Variants in CCDC3 observed in about 807,000 individuals in gnomAD.
CCDC3 encodes coiled-coil domain containing 3, also known as coiled-coil domain-containing protein 3.
In CCDC3, 24 loss-of-function variants were observed where a neutral mutation model predicts 21.4. The observed-to-expected ratio is 1.12, with a 90% CI of 0.81 to 1.58. The LOEUF is 1.58. Ranked by LOEUF, CCDC3 falls within the 40% of genes most tolerant of loss-of-function variation. The probability of loss-of-function intolerance (pLI) is 0.00; values close to 1 mark genes in which losing one functional copy is unlikely to be tolerated. For synonymous variants in CCDC3, 186 were observed against 166.0 expected (o/e 1.12, Z -0.93); for missense variants, 425 against 360.9 (o/e 1.18, Z -1.44).
intron 4 of CCDC3, among the ~76,000 whole-genome samples, chr10:13,072,843 C>T (rs898112938): frequency 6.9e-6 from 1 of 144,926 alleles, no homozygotes; most frequent in South Asian, 2.3e-4. Flanking sequence ...CCTGCACAAT[C>T]ATTTCTTTTC....
intron 3 of CCDC3, among the ~76,000 whole-genome samples, chr10:13,097,172 C>T (rs1832637375): frequency 6.6e-6 from 1 of 152,148 alleles, no homozygotes; most frequent in Non-Finnish European, 1.5e-5. Context: ...ACCACAAAAC[C>T]ACATCAACAA....
At chr10:13,071,572 T>G (rs921188606) in intron 4 of CCDC3, among the ~76,000 whole-genome samples, 5 of 152,154 alleles carry the variant, frequency 3.3e-5, no homozygotes, top group African/African-American at 1.2e-4. Context: ...GAGCGGATAT[T>G]CCCATCCCTT....
chr10:12,951,417 G>A, intron 2 of CCDC3, among the ~76,000 whole-genome samples: 1 of 152,082 alleles, frequency 6.6e-6, no homozygotes. Flanking sequence ...TAATCTACAG[G>A]GCATGATCCA....
intron 3 of CCDC3, among the ~76,000 whole-genome samples, chr10:13,093,187 C>T (rs1832596160): frequency 6.6e-6 from 1 of 152,110 alleles, no homozygotes; most frequent in East Asian, 1.9e-4. Context: ...GTTTAATGGA[C>T]TCACAGTTCC....
intron 2 of CCDC3, among the ~76,000 whole-genome samples, chr10:12,911,142 C>T (rs1322914541): frequency 1.3e-5 from 2 of 152,200 alleles, no homozygotes; most frequent in Non-Finnish European, 2.9e-5. Context: ...CCTGTGTCAT[C>T]TCTGCAGATG....
intron 5 of CCDC3, among the ~76,000 whole-genome samples, chr10:13,039,422 C>CAAAAA (rs5783301): frequency 7.3e-6 from 1 of 137,606 alleles, no homozygotes. Context: ...GACTCTGTCT[C>CAAAAA]AAAAAAAAAA....
At chr10:13,056,807 A>G (rs1836686502) in intron 4 of CCDC3, among the ~76,000 whole-genome samples, 1 of 152,206 alleles carries the variant, frequency 6.6e-6, no homozygotes, top group South Asian at 2.1e-4. Flanking sequence ...TGCAGCAGCC[A>G]CTTCCATTTA....
intron 3 of CCDC3, among the ~76,000 whole-genome samples, chr10:13,075,066 T>C (rs1836945440): frequency 6.6e-6 from 1 of 152,134 alleles, no homozygotes; most frequent in African/African-American, 2.4e-5. Context: ...GACGCATAGG[T>C]GCCCACTGCA....
intron 2 of CCDC3, among the ~76,000 whole-genome samples, chr10:12,956,321 C>G (rs969042802): frequency 3.9e-5 from 6 of 152,222 alleles, no homozygotes; most frequent in African/African-American, 1.2e-4. Flanking sequence ...GACCAATCTT[C>G]CTCTACCTAG....
At chr10:12,942,792 G>T (rs562057027) in intron 2 of CCDC3, among the ~76,000 whole-genome samples, 20 of 152,244 alleles carry the variant, frequency 1.3e-4, no homozygotes, top group Admixed American at 2.6e-4. Context: ...AGAATCAGAT[G>T]ACCCACTTGG....
intron 2 of CCDC3, among the ~76,000 whole-genome samples, chr10:12,928,578 A>T (rs1834584779): frequency 6.6e-6 from 1 of 152,208 alleles, no homozygotes; most frequent in Non-Finnish European, 1.5e-5. Flanking sequence ...TGATCATCTC[A>T]GTAACCTTCT....
At chr10:13,096,968 A>G (rs1429630926) in intron 3 of CCDC3, among the ~76,000 whole-genome samples, 2 of 152,208 alleles carry the variant, frequency 1.3e-5, no homozygotes, top group Admixed American at 1.3e-4. Context: ...GGCTTTCTCA[A>G]AAGACAAGAA....
intron 2 of CCDC3, among the ~76,000 whole-genome samples, chr10:12,994,906 C>A (rs574734921): frequency 1.3e-5 from 2 of 151,862 alleles, no homozygotes; most frequent in African/African-American, 2.4e-5. Flanking sequence ...CATGGTGAAA[C>A]CCCCTCTCTA....
intron 2 of CCDC3, among the ~76,000 whole-genome samples, chr10:12,987,080 C>A (rs1361485105): frequency 6.6e-6 from 1 of 152,160 alleles, no homozygotes; most frequent in African/African-American, 2.4e-5. Flanking sequence ...GCCCTCCATT[C>A]CCTGGTATGC....
chr10:13,046,307 G>C (rs1836527222), intron 5 of CCDC3, among the ~76,000 whole-genome samples: 1 of 151,912 alleles, frequency 6.6e-6, no homozygotes, highest in South Asian at 2.1e-4. Context: ...TAGGGAGGCT[G>C]AGTTGGGAGC....
chr10:12,943,754 A>ACTC (rs1177645830), intron 2 of CCDC3, among the ~76,000 whole-genome samples: 1 of 151,918 alleles, frequency 6.6e-6, no homozygotes, highest in Non-Finnish European at 1.5e-5. Flanking sequence ...TGTCTATAAA[A>ACTC]CTCTGTGCAT....
At chr10:13,020,071 C>A (rs1321242503) in intron 5 of CCDC3, among the ~76,000 whole-genome samples, 1 of 152,142 alleles carries the variant, frequency 6.6e-6, no homozygotes, top group African/African-American at 2.4e-5. Flanking sequence ...AAACTTGATA[C>A]TAGGACCTTG....
chr10:13,064,869 C>T (rs1464380522), intron 4 of CCDC3, among the ~76,000 whole-genome samples: 1 of 151,888 alleles, frequency 6.6e-6, no homozygotes, highest in African/African-American at 2.4e-5. Context: ...TTCTAGGTCA[C>T]AGGTAGATGA....
chr10:13,092,512 T>C (rs1326323335), intron 3 of CCDC3, among the ~76,000 whole-genome samples: 2 of 152,242 alleles, frequency 1.3e-5, no homozygotes, highest in Non-Finnish European at 2.9e-5. Context: ...CTGTTATGAC[T>C]GGGATTTCTT....
Sources: allele counts gnomAD v4.1 joint callset (sites outside exome capture counted in the v4.1 genomes callset), GRCh38; gene constraint gnomAD v4.1.1; transcripts MANE v1.5; gene names NCBI Gene and HGNC (gene_info 2026-07-23, HGNC 2026-07-21).